Variants in PHACTR1 observed in about 807,000 individuals in gnomAD.
PHACTR1 encodes RPEL repeat containing 1.
In PHACTR1, 16 loss-of-function variants were observed where a neutral mutation model predicts 69.2. The observed-to-expected ratio is 0.23, with a 90% CI of 0.16 to 0.35. The LOEUF (loss-of-function observed/expected upper bound fraction) is 0.35, where lower values mean the gene tolerates loss of function less well. Ranked by LOEUF, PHACTR1 falls within the 10% of genes least tolerant of loss-of-function variation. The probability of loss-of-function intolerance (pLI) is 1.00; values close to 1 mark genes in which losing one functional copy is unlikely to be tolerated. For synonymous variants in PHACTR1, 312 were observed against 284.5 expected (o/e 1.10, Z -0.97); for missense variants, 510 against 734.7 (o/e 0.69, Z 3.54).
At chr6:13,068,848 A>G (rs1409284895) in intron 5 of PHACTR1, among the ~76,000 whole-genome samples, 4 of 152,224 alleles carry the variant, frequency 2.6e-5, no homozygotes, top group Non-Finnish European at 5.9e-5. Flanking sequence ...TTCGAAAAGC[A>G]GAAATTGGTG....
At chr6:12,724,451 G>A (rs551622764) in intron 3 of PHACTR1, among the ~76,000 whole-genome samples, 1 of 152,236 alleles carries the variant, frequency 6.6e-6, no homozygotes, top group Non-Finnish European at 1.5e-5. Context: ...CTATGCTCAT[G>A]TTGCAGACTA....
At chr6:12,796,361 A>G (rs925475334) in intron 4 of PHACTR1, among the ~76,000 whole-genome samples, 2 of 152,194 alleles carry the variant, frequency 1.3e-5, no homozygotes, top group Non-Finnish European at 2.9e-5. Context: ...CTATATTGCT[A>G]TGTATTTCAT....
chr6:13,050,255 C>G (rs184049854), intron 4 of PHACTR1, among the ~76,000 whole-genome samples: 8 of 152,168 alleles, frequency 5.3e-5, no homozygotes, highest in Non-Finnish European at 1.2e-4. Flanking sequence ...TATTCCTTGT[C>G]GTAGCTGTGT....
At chr6:13,099,122 C>T (rs977349039) in intron 5 of PHACTR1, among the ~76,000 whole-genome samples, 5 of 152,202 alleles carry the variant, frequency 3.3e-5, no homozygotes, top group East Asian at 3.9e-4. Flanking sequence ...CATGTGACCT[C>T]GCAGTCTTCA....
At chr6:13,212,957 G>C (rs149339899) in intron 8 of PHACTR1, among the ~76,000 whole-genome samples, 10 of 152,074 alleles carry the variant, frequency 6.6e-5, no homozygotes, top group Non-Finnish European at 8.8e-5. Flanking sequence ...ACCATCTAAC[G>C]TTTTGTGTCA....
intron 6 of PHACTR1, among the ~76,000 whole-genome samples, chr6:13,166,204 T>G (rs1759781096): frequency 6.6e-6 from 1 of 152,088 alleles, no homozygotes; most frequent in Admixed American, 6.6e-5. Flanking sequence ...AAGCTTACTC[T>G]GCGACCACCA....
intron 5 of PHACTR1, among the ~76,000 whole-genome samples, chr6:13,119,730 C>A (rs1476595252): frequency 6.6e-6 from 1 of 152,208 alleles, no homozygotes; most frequent in Non-Finnish European, 1.5e-5. Context: ...TCTGCTAAAG[C>A]TTTAGCACCT....
At chr6:13,252,899 C>T in intron 10 of PHACTR1, 2 of 283,452 alleles carry the variant, frequency 7.1e-6, no homozygotes, top group South Asian at 2.9e-5. Context: ...GCCAAAACCC[C>T]CCTCCACTTG....
chr6:12,788,384 G>A (rs1771814990), intron 4 of PHACTR1, among the ~76,000 whole-genome samples: 1 of 152,134 alleles, frequency 6.6e-6, no homozygotes, highest in African/African-American at 2.4e-5. Context: ...GATTTTGAAT[G>A]ACTTAGTGAT....
intron 6 of PHACTR1, among the ~76,000 whole-genome samples, chr6:13,162,463 C>T (rs1040231766): frequency 6.6e-6 from 1 of 152,006 alleles, no homozygotes; most frequent in Admixed American, 6.6e-5. Flanking sequence ...CATGCTTCAT[C>T]ATAAGCTCCT....
At chr6:13,088,828 G>A (rs1812737406) in intron 5 of PHACTR1, among the ~76,000 whole-genome samples, 1 of 152,130 alleles carries the variant, frequency 6.6e-6, no homozygotes, top group African/African-American at 2.4e-5. Flanking sequence ...GGGATACAAT[G>A]CAATGCACAT....
chr6:12,751,480 C>T (rs765700081), intron 4 of PHACTR1, among the ~76,000 whole-genome samples: 1 of 152,106 alleles, frequency 6.6e-6, no homozygotes, highest in East Asian at 1.9e-4. Context: ...GTCTATTGAC[C>T]CCTTTGCTTA....
intron 4 of PHACTR1, among the ~76,000 whole-genome samples, chr6:12,799,377 C>T (rs1032682494): frequency 2.0e-5 from 3 of 151,990 alleles, no homozygotes; most frequent in African/African-American, 7.3e-5. Flanking sequence ...ACATTGTTAG[C>T]TTTCAAAGCT....
intron 4 of PHACTR1, among the ~76,000 whole-genome samples, chr6:12,865,332 G>A (rs1201974779): frequency 6.6e-6 from 1 of 152,198 alleles, no homozygotes; most frequent in Non-Finnish European, 1.5e-5. Context: ...GGTATCATGG[G>A]AGCAGAAAAA....
chr6:12,777,758 A>G (rs1430666532), intron 4 of PHACTR1, among the ~76,000 whole-genome samples: 1 of 151,132 alleles, frequency 6.6e-6, no homozygotes, highest in African/African-American at 2.4e-5. Context: ...CAGCCTCCCA[A>G]GAAGCTGGGA....
intron 4 of PHACTR1, among the ~76,000 whole-genome samples, chr6:12,922,463 C>T (rs2127515559): frequency 6.7e-6 from 1 of 149,992 alleles, no homozygotes; most frequent in African/African-American, 2.4e-5. Flanking sequence ...TTGTGCAGAG[C>T]CATCAGCATC....
At chr6:12,998,594 C>T (rs66829228) in intron 4 of PHACTR1, among the ~76,000 whole-genome samples, 23,844 of 140,400 alleles carry the variant, frequency 0.17, 2,539 homozygotes, top group South Asian at 0.25. Flanking sequence ...CTGGCCTGGG[C>T]GACACAGCAA....
At chr6:13,048,303 G>A (rs993601769) in intron 4 of PHACTR1, among the ~76,000 whole-genome samples, 1 of 152,184 alleles carries the variant, frequency 6.6e-6, no homozygotes, top group Non-Finnish European at 1.5e-5. Flanking sequence ...TGATTCATGT[G>A]TGGCTCAGCA....
intron 5 of PHACTR1, among the ~76,000 whole-genome samples, chr6:13,123,280 A>C (rs1354488101): frequency 6.6e-6 from 1 of 152,104 alleles, no homozygotes; most frequent in Admixed American, 6.5e-5. Context: ...CAGGGATCAG[A>C]TTTAGTAGTG....
Sources: gnomAD v4.1 joint callset for allele counts (sites outside exome capture counted in the v4.1 genomes callset) on GRCh38, gnomAD v4.1.1 for gene constraint, MANE v1.5 for transcripts, NCBI Gene and HGNC (gene_info 2026-07-23, HGNC 2026-07-21) for gene names.